Variants in CCT3 observed in about 807,000 individuals in gnomAD.
CCT3 encodes the protein T-complex protein 1 subunit gamma.
Under a neutral mutation model 65.3 loss-of-function variants are expected in CCT3, and 10 were observed. The observed-to-expected ratio is 0.15, with a 90% confidence interval of 0.09 to 0.26. CCT3 has a LOEUF of 0.26. CCT3 is among the 10% of genes least tolerant of loss of function. CCT3 has a pLI of 1.00. For missense variants in CCT3, 626 were observed against 708.7 expected, an observed-to-expected ratio of 0.88 and a Z score of 1.33; for synonymous variants, 225 against 242.3, an observed-to-expected ratio of 0.93 and a Z score of 0.66.
chr1:156,334,410 G>C (rs1033368149), intron 4 of CCT3, among the ~76,000 whole-genome samples: 12 of 152,110 alleles, frequency 7.9e-5, no homozygotes, highest in Admixed American at 1.3e-4. Context: ...GACACACAAG[G>C]GGAATAACAT....
At chr1:156,336,039 G>T in intron 1 of CCT3, 151 bp from the exon 2 acceptor site, 3 of 541,146 alleles carry the variant, frequency 5.5e-6, no homozygotes, top group Non-Finnish European at 9.8e-6. Flanking sequence ...AATAAGTGCA[G>T]TTTATTATAT....
chr1:156,321,015 C>A lies in CCT3; in HGVS notation c.433G>T (p.Asp145Tyr), dbSNP rs753353685. Residue 145 changes from aspartate (D) to tyrosine (Y), a missense_variant, in exon 7 of 14, where the codon GAC becomes TAC. Physicochemically the swap from Asp to Tyr is radical, Grantham distance 160. Transcript: ENST00000295688. ...AGCATCATATCACTGTCACTGATGT[C>A]GACTGGGATACTAGAGAAAAGAAAA... ...STLKKISIPVDISDSDMMLNI... is the reference protein window; with the variant it reads ...STLKKISIPVYISDSDMMLNI... The A allele has an allele frequency of 1.2e-6, 2 of 1,612,352 alleles. No homozygotes were observed. The highest frequency in any genetic ancestry group is 1.7e-6 in the Non-Finnish European group (2 of 1,178,838).
At chr1:156,330,043 G>C (rs1208608019) in intron 5 of CCT3, among the ~76,000 whole-genome samples, 1 of 151,986 alleles carries the variant, frequency 6.6e-6, no homozygotes, top group Non-Finnish European at 1.5e-5. Flanking sequence ...GGCTGGTCAA[G>C]TGTTCTTTTT....
chr1:156,328,471 G>A (rs1285526783), intron 5 of CCT3, among the ~76,000 whole-genome samples: 1 of 152,200 alleles, frequency 6.6e-6, no homozygotes, highest in Non-Finnish European at 1.5e-5. Flanking sequence ...TCTGTGTAGA[G>A]AGAAGTAGAC....
Position 156,325,039 on chromosome 1 carries a change from G to A in CCT3, c.355C>T (p.Pro119Ser). Residue 119 changes from proline to serine, a missense_variant, in exon 6 of 14, where the codon CCA becomes TCA. Coordinates refer to ENST00000295688, the MANE Select transcript of CCT3 (RefSeq NM_005998.5). ...AEHFLEQQMH[P>S]TVVISAYRKA... The stretch of plus-strand genomic sequence containing the variant: ...CGGTAAGCACTGATCACCACTGTTG[G>A]GTGCATCTGCTGCTCCAGGAAGTGC... 6.2e-7 allele frequency: 1 copy of A among 1,613,580 alleles called. No homozygotes were observed. Among genetic ancestry groups the A allele is most frequent in the Non-Finnish European group, 8.5e-7 (1 of 1,179,914 alleles).
chr1:156,318,389 A>G (rs1664400213), intron 8 of CCT3, among the ~76,000 whole-genome samples: 1 of 151,842 alleles, frequency 6.6e-6, no homozygotes, highest in Non-Finnish European at 1.5e-5. Flanking sequence ...ACGCCCAATT[A>G]ATTTTTTTTA....
At chr1:156,315,217 C>A (rs1664260615) in intron 10 of CCT3, among the ~76,000 whole-genome samples, 2 of 152,002 alleles carry the variant, frequency 1.3e-5, no homozygotes, top group African/African-American at 4.8e-5. Flanking sequence ...TTATGATTTT[C>A]TTTTTTTGGA....
intron 10 of CCT3, among the ~76,000 whole-genome samples, chr1:156,314,181 C>T (rs1038496901): frequency 6.6e-6 from 1 of 151,444 alleles, no homozygotes; most frequent in Non-Finnish European, 1.5e-5. Context: ...GAAGATGCCA[C>T]AGTTGTTATA....
intron 10 of CCT3, among the ~76,000 whole-genome samples, chr1:156,316,125 GATGGACAATA>G (rs922324946): frequency 2.0e-5 from 3 of 151,872 alleles, no homozygotes; most frequent in Non-Finnish European, 2.9e-5. Context: ...GGGGTGGGGG[GATGGACAATA>G]ATACAACGGC....
Position 156,338,136 on chromosome 1 carries a change from G to A in CCT3, c.31+18C>T, listed in dbSNP as rs1050683681. The A allele has an allele frequency of 3.2e-6, 5 of 1,580,184 alleles. No homozygotes were observed. The highest frequency in any genetic ancestry group is 2.7e-5 in the African/African-American group (2 of 74,742). ...AGGGCGAAAAGGGGGTCCATTTCCT[G>A]GCATCCCCAGAACTCACTGAGCACG... On this transcript the variant is annotated intron_variant, in intron 1 of 13. Coordinates refer to ENST00000295688, the MANE Select transcript of CCT3 (RefSeq NM_005998.5).
intron 10 of CCT3, among the ~76,000 whole-genome samples, chr1:156,316,332 G>A (rs1348213798): frequency 6.6e-6 from 1 of 152,060 alleles, no homozygotes. Flanking sequence ...GTATTCAAGG[G>A]GGCGGGGATC....
At chr1:156,313,959 G>A (rs1324060536) in intron 10 of CCT3, among the ~76,000 whole-genome samples, 18 of 151,856 alleles carry the variant, frequency 1.2e-4, no homozygotes, top group Non-Finnish European at 1.5e-4. Flanking sequence ...ATGGTGGTGC[G>A]CACCTGTAGT....
chr1:156,338,122 G>C, intron 1 of CCT3, 32 bp downstream of exon 1: 1 of 1,573,742 alleles, frequency 6.4e-7, no homozygotes, highest in Non-Finnish European at 8.6e-7. Flanking sequence ...GGGCGAAAAG[G>C]GGGTCCATTT....
At chr1:156,333,855 A>C (rs1283038797) in intron 4 of CCT3, among the ~76,000 whole-genome samples, 1 of 152,232 alleles carries the variant, frequency 6.6e-6, no homozygotes, top group East Asian at 1.9e-4. Flanking sequence ...ACATGAACTC[A>C]ACTATTAAAG....
At chr1:156,328,525 T>C (rs1664960782) in intron 5 of CCT3, among the ~76,000 whole-genome samples, 2 of 152,032 alleles carry the variant, frequency 1.3e-5, no homozygotes, top group South Asian at 4.2e-4. Context: ...AAAATTCTTC[T>C]GCCTTGGGAT....
At chr1:156,321,077 G>C (rs1392661009) in intron 6 of CCT3, 52 bp from the exon 7 acceptor site, 2 of 1,424,446 alleles carry the variant, frequency 1.4e-6, no homozygotes, top group Non-Finnish European at 2.0e-6. Flanking sequence ...TAGATATGTA[G>C]AGATGTGCCT....
At chr1:156,333,349 T>G (rs1025756267) in intron 5 of CCT3, 198 bp downstream of exon 5, 5 of 538,328 alleles carry the variant, frequency 9.3e-6, no homozygotes, top group Non-Finnish European at 1.6e-5. Flanking sequence ...AATTAACTAT[T>G]AGTTTATCAG....
Position 156,338,230 on chromosome 1 carries a change from A to T in CCT3, c.-46T>A. 1.3e-6 allele frequency: 2 copies of T among 1,560,930 alleles called. No homozygotes were observed. The highest frequency in any genetic ancestry group is 1.7e-6 in the Non-Finnish European group (2 of 1,151,752). ...GGTACCCAGAGCTGGGGGAACCGGC[A>T]GAACCTTCTGGAGAGAGAGAACCAG... is the stretch of plus-strand genomic sequence containing the variant. On this transcript the variant is annotated 5_prime_UTR_variant, in exon 1 of 14. Transcript: ENST00000295688.
intron 13 of CCT3, 126 bp downstream of exon 13, chr1:156,310,432 T>G (rs944732618): frequency 1.8e-6 from 1 of 565,950 alleles, no homozygotes; most frequent in Non-Finnish European, 2.7e-6. Flanking sequence ...AGGCGGAGAT[T>G]GCAGTGAGCC....
Sources: allele counts gnomAD v4.1 joint callset (sites outside exome capture counted in the v4.1 genomes callset), GRCh38; gene constraint gnomAD v4.1.1; transcripts MANE v1.5; gene names NCBI Gene and HGNC (gene_info 2026-07-23, HGNC 2026-07-21).